Variants in RUNX1 observed in about 807,000 individuals in gnomAD.
RUNX1 encodes runt-related transcription factor 1.
Under a neutral mutation model 42.8 loss-of-function variants are expected in RUNX1, and 19 were observed. That is an observed-to-expected ratio of 0.44 (90% CI 0.31 to 0.65). The LOEUF (loss-of-function observed/expected upper bound fraction) is 0.65, where lower values mean the gene tolerates loss of function less well. Ranked by LOEUF, RUNX1 falls within the 30% of genes least tolerant of loss-of-function variation. RUNX1 has a pLI of 0.07. For synonymous variants in RUNX1, 271 were observed against 289.4 expected, an observed-to-expected ratio of 0.94 and a Z score of 0.64; for missense variants, 528 against 672.0, an observed-to-expected ratio of 0.79 and a Z score of 2.37.
At chr21:34,980,183 T>C (rs1412297278) in intron 2 of RUNX1, among the ~76,000 whole-genome samples, 1 of 152,274 alleles carries the variant, frequency 6.6e-6, no homozygotes, top group Non-Finnish European at 1.5e-5. Flanking sequence ...CCACTGAGTC[T>C]CAGTCTCTTC....
At chr21:34,850,871 A>G in intron 6 of RUNX1, among the ~76,000 whole-genome samples, 1 of 152,126 alleles carries the variant, frequency 6.6e-6, no homozygotes, top group Non-Finnish European at 1.5e-5. Flanking sequence ...TTTTTTGGTT[A>G]AAGTTTTCTC....
At chr21:35,022,771 C>G (rs542442511) in intron 2 of RUNX1, among the ~76,000 whole-genome samples, 1 of 151,770 alleles carries the variant, frequency 6.6e-6, no homozygotes, top group Admixed American at 6.6e-5. Context: ...GGCGGGTGCC[C>G]GTAATCCCGG....
At chr21:35,023,481 C>T (rs1364717023) in intron 2 of RUNX1, among the ~76,000 whole-genome samples, 1 of 152,216 alleles carries the variant, frequency 6.6e-6, no homozygotes. Context: ...CAGACTGAGG[C>T]TGCAGCTCAT....
intron 8 of RUNX1, among the ~76,000 whole-genome samples, chr21:34,795,256 T>C (rs929702281): frequency 6.6e-6 from 1 of 152,192 alleles, no homozygotes; most frequent in Non-Finnish European, 1.5e-5. Flanking sequence ...TAATCTGTTT[T>C]TGGAAGGCAG....
chr21:34,832,668 A>G (rs368609800), intron 7 of RUNX1, among the ~76,000 whole-genome samples: 161 of 152,352 alleles, frequency 1.1e-3, no homozygotes, highest in African/African-American at 3.8e-3. Context: ...CCTCTTTGGA[A>G]GCAAAGTATT....
rs762702957 is a variant in RUNX1, at chr21:34,859,508, G to A, written c.579C>T (p.Ile193=). The A allele has an allele frequency of 6.8e-6, 11 of 1,614,014 alleles. No individual in the cohort carries two copies. The highest frequency in any genetic ancestry group is 9.3e-6 in the Non-Finnish European group (11 of 1,179,996). Residue 193 remains isoleucine, a synonymous_variant, in exon 6 of 9, where the codon ATC becomes ATT. Coordinates refer to ENST00000675419, the MANE Select transcript of RUNX1 (RefSeq NM_001754.5). ...PPQVATYHRA[I]KITVDGPREP... ...CTCGGGGCCCATCCACTGTGATTTTGATGGCTCTGTGGTAGGTGGCGACTT... is the reference window on the plus strand; with the variant it reads ...CTCGGGGCCCATCCACTGTGATTTTAATGGCTCTGTGGTAGGTGGCGACTT...
intron 2 of RUNX1, among the ~76,000 whole-genome samples, chr21:34,984,853 G>A (rs1438042177): frequency 3.9e-5 from 6 of 152,206 alleles, no homozygotes; most frequent in Non-Finnish European, 4.4e-5. Flanking sequence ...AAGGAAGGAA[G>A]TGATCAGGTA....
In RUNX1 at chr21:34,789,153, A is replaced by G. The variant is rs1481823371; in HGVS notation, c.*2982T>C. On this transcript the variant is annotated 3_prime_UTR_variant, in exon 9 of 9. Coordinates refer to ENST00000675419, the MANE Select transcript of RUNX1 (RefSeq NM_001754.5). ...GTTCTGCTGGAAGAAACCCATAAAC[A>G]GGAGAAAGGCTGACAAACCATGTTC... The G allele has an allele frequency of 1.7e-5, 4 of 233,248 alleles. No homozygotes were observed. Among genetic ancestry groups the G allele is most frequent in the Admixed American group, 5.6e-5 (1 of 17,772 alleles). 14.4% of individuals were successfully genotyped at this position (233,248 alleles called of 1,614,324 possible). A position where few individuals can be genotyped will look rare whatever the true frequency, so the allele number is the denominator to read the frequency against.
chr21:34,899,605 T>C (rs1263412232), intron 2 of RUNX1, among the ~76,000 whole-genome samples: 1 of 152,222 alleles, frequency 6.6e-6, no homozygotes, highest in Non-Finnish European at 1.5e-5. Flanking sequence ...GTACATCTTC[T>C]ATCAGGCCTC....
chr21:34,910,457 T>A (rs999289851), intron 2 of RUNX1, among the ~76,000 whole-genome samples: 7 of 151,920 alleles, frequency 4.6e-5, no homozygotes, highest in African/African-American at 1.7e-4. Context: ...CTTTCTGAAG[T>A]CAAGAACTGT....
chr21:34,859,312 T>G (rs778464115), intron 6 of RUNX1, 162 bp downstream of exon 6: 6 of 650,786 alleles, frequency 9.2e-6, no homozygotes, highest in Non-Finnish European at 1.7e-5. Context: ...AAGCTTTGAG[T>G]AGCGAGAGTA....
intron 2 of RUNX1, among the ~76,000 whole-genome samples, chr21:34,956,541 ATTTT>A (rs1601606806): frequency 6.6e-6 from 1 of 152,284 alleles, no homozygotes; most frequent in East Asian, 1.9e-4. Flanking sequence ...TGACTGGGCC[ATTTT>A]GTTTACACAG....
intron 2 of RUNX1, among the ~76,000 whole-genome samples, chr21:34,950,042 G>A (rs572754300): frequency 1.4e-3 from 216 of 152,288 alleles, no homozygotes; most frequent in African/African-American, 5.0e-3. Flanking sequence ...TCACCAAATT[G>A]AGTTAAAATT....
intron 2 of RUNX1, among the ~76,000 whole-genome samples, chr21:34,921,965 C>G (rs2058357528): frequency 6.6e-6 from 1 of 152,166 alleles, no homozygotes; most frequent in Admixed American, 6.5e-5. Context: ...TTGTGACAGA[C>G]TCAACTATGA....
At chr21:34,969,149 C>T (rs1245799266) in intron 2 of RUNX1, among the ~76,000 whole-genome samples, 1 of 152,150 alleles carries the variant, frequency 6.6e-6, no homozygotes, top group Non-Finnish European at 1.5e-5. Flanking sequence ...ACGATGAATT[C>T]CTTTTACATC....
At chr21:34,798,819 T>C (rs2145904714) in intron 8 of RUNX1, among the ~76,000 whole-genome samples, 1 of 152,214 alleles carries the variant, frequency 6.6e-6, no homozygotes, top group Admixed American at 6.5e-5. Context: ...CCATGGGTTT[T>C]GGTATCCATG....
intron 2 of RUNX1, among the ~76,000 whole-genome samples, chr21:34,933,126 T>A (rs894819976): frequency 6.6e-6 from 1 of 152,208 alleles, no homozygotes; most frequent in Non-Finnish European, 1.5e-5. Context: ...TTAATCAGGA[T>A]TGCAAAGCTA....
At chr21:35,006,000 T>C (rs747316392) in intron 2 of RUNX1, among the ~76,000 whole-genome samples, 3 of 152,202 alleles carry the variant, frequency 2.0e-5, no homozygotes, top group Non-Finnish European at 4.4e-5. Context: ...CTGGGAAGCA[T>C]CTCTCCAGGG....
intron 2 of RUNX1, among the ~76,000 whole-genome samples, chr21:34,978,312 T>C (rs2058819080): frequency 6.6e-6 from 1 of 152,220 alleles, no homozygotes; most frequent in South Asian, 2.1e-4. Flanking sequence ...TATTGATAAG[T>C]ATGAGGGTGC....
Sources: gnomAD v4.1 joint callset for allele counts (sites outside exome capture counted in the v4.1 genomes callset) on GRCh38, gnomAD v4.1.1 for gene constraint, MANE v1.5 for transcripts, NCBI Gene and HGNC (gene_info 2026-07-23, HGNC 2026-07-21) for gene names.